The following SUGCT variants were observed in gnomAD, a reference collection of about 807,000 sequenced individuals.
SUGCT encodes the protein succinyl-CoA:glutarate-CoA transferase.
A neutral mutation model predicts 55.0 loss-of-function variants in SUGCT; 41 were observed. The ratio of observed to expected loss-of-function variants is 0.74; its 90% CI spans 0.58 to 0.97. SUGCT has a LOEUF of 0.97. Ranked by LOEUF, SUGCT falls within the 50% of genes least tolerant of loss-of-function variation. The pLI is 0.00. For synonymous variants in SUGCT, 187 were observed against 200.4 expected (o/e 0.93, Z 0.56); for missense variants, 568 against 547.8 (o/e 1.04, Z -0.37).
the SUGCT span, among the ~76,000 whole-genome samples, chr7:40,907,575 A>G: frequency 1.3e-5 from 2 of 152,188 alleles, no homozygotes; most frequent in Admixed American, 6.5e-5. Flanking sequence ...CCTATGAAGT[A>G]GGTGTTATTA....
intron 13 of SUGCT, among the ~76,000 whole-genome samples, chr7:40,782,924 C>T (rs1333962552): frequency 6.6e-6 from 1 of 152,144 alleles, no homozygotes; most frequent in Non-Finnish European, 1.5e-5. Context: ...TTGCCTTTTG[C>T]TGAGTTACTA....
chr7:40,633,487 A>G (rs1396420611), intron 12 of SUGCT, among the ~76,000 whole-genome samples: 1 of 152,246 alleles, frequency 6.6e-6, no homozygotes, highest in Non-Finnish European at 1.5e-5. Flanking sequence ...GTAGACAAGT[A>G]TTTATATGAA....
chr7:40,192,107 C>CAAAAA (rs34662909), intron 5 of SUGCT, among the ~76,000 whole-genome samples: 1 of 61,342 alleles, frequency 1.6e-5, no homozygotes, highest in Admixed American at 2.0e-4. Flanking sequence ...GATTCCATCT[C>CAAAAA]AAAAAAAAAA....
intron 12 of SUGCT, among the ~76,000 whole-genome samples, chr7:40,507,331 G>A (rs1792664724): frequency 6.6e-6 from 1 of 152,078 alleles, no homozygotes; most frequent in Non-Finnish European, 1.5e-5. Flanking sequence ...CTGCCACCTT[G>A]GGGTAGGAGA....
chr7:40,229,455 G>A lies in SUGCT; in HGVS notation c.485-8180G>A, dbSNP rs527756225. ...AATGGCTTCAACCCAGCAGGTGGAG[G>A]TTGCAGTGAGCCGAGATTGCTTCAC... On this transcript the variant is annotated intron_variant, in intron 6 of 13. Transcript: ENST00000335693. Among the ~76,000 whole-genome samples, 244 of 151,440 alleles carry A rather than the reference G, an allele frequency of 1.6e-3. 2 individuals carry two copies. The highest frequency in any genetic ancestry group is 3.4e-3 in the Middle Eastern group (1 of 290).
At chr7:40,782,424 C>A (rs566715035) in intron 13 of SUGCT, among the ~76,000 whole-genome samples, 1 of 151,980 alleles carries the variant, frequency 6.6e-6, no homozygotes, top group Non-Finnish European at 1.5e-5. Context: ...CAAGCATATG[C>A]CAGTTTATTT....
chr7:40,195,083 T>C (rs775876797), intron 6 of SUGCT, 23 bp downstream of exon 6: 42 of 1,597,778 alleles, frequency 2.6e-5, no homozygotes, highest in Non-Finnish European at 3.2e-5. Context: ...CACACCCTTG[T>C]CAGTTAAAAG....
At chr7:40,990,309 A>G in the SUGCT span, among the ~76,000 whole-genome samples, 1 of 152,252 alleles carries the variant, frequency 6.6e-6, no homozygotes, top group Admixed American at 6.5e-5. Context: ...TTGGTGCAAA[A>G]GTATTTGCAG....
At chr7:40,250,349 G>A (rs184888074) in intron 7 of SUGCT, among the ~76,000 whole-genome samples, 1 of 151,774 alleles carries the variant, frequency 6.6e-6, no homozygotes, top group Non-Finnish European at 1.5e-5. Flanking sequence ...GCAGTGAACC[G>A]AGATAGTGCT....
intron 6 of SUGCT, among the ~76,000 whole-genome samples, chr7:40,195,823 C>A (rs1343725064): frequency 1.4e-5 from 2 of 146,858 alleles, no homozygotes; most frequent in African/African-American, 5.0e-5. Context: ...AAAGGATTCT[C>A]CTGCCTCAGC....
At chr7:40,437,828 T>C (rs1396724375) in intron 9 of SUGCT, among the ~76,000 whole-genome samples, 1 of 152,162 alleles carries the variant, frequency 6.6e-6, no homozygotes, top group Non-Finnish European at 1.5e-5. Context: ...TGGTTACCTT[T>C]TGTGGAAGAA....
chr7:40,687,965 A>G (rs1252047069), intron 12 of SUGCT, among the ~76,000 whole-genome samples: 1 of 152,138 alleles, frequency 6.6e-6, no homozygotes, highest in Non-Finnish European at 1.5e-5. Context: ...GGGCCCCCCA[A>G]TATTTTTAGC....
chr7:40,448,121 G>A (rs1353523766), intron 9 of SUGCT, among the ~76,000 whole-genome samples: 1 of 151,884 alleles, frequency 6.6e-6, no homozygotes, highest in Admixed American at 6.6e-5. Flanking sequence ...GTCCATTTTT[G>A]CCACTAAAAT....
chr7:40,760,108 C>A (rs1788459515), intron 13 of SUGCT, among the ~76,000 whole-genome samples: 1 of 152,074 alleles, frequency 6.6e-6, no homozygotes. Context: ...TATTAAGCTG[C>A]CTCCTGGAAT....
chr7:40,745,335 A>AT (rs1787681926), intron 12 of SUGCT, among the ~76,000 whole-genome samples: 2 of 151,728 alleles, frequency 1.3e-5, no homozygotes, highest in East Asian at 3.9e-4. Context: ...TATTTTTTGC[A>AT]TTTTTTGTCT....
chr7:40,884,761 G>T, the SUGCT span, among the ~76,000 whole-genome samples: 12 of 152,206 alleles, frequency 7.9e-5, no homozygotes, highest in Non-Finnish European at 1.5e-4. Context: ...GTGCAATGGA[G>T]TCACAAAGTA....
intron 13 of SUGCT, among the ~76,000 whole-genome samples, chr7:40,822,898 C>A (rs972350793): frequency 6.6e-6 from 1 of 151,884 alleles, no homozygotes; most frequent in Non-Finnish European, 1.5e-5. Context: ...GTGGGAAATT[C>A]AGAGAAAGTG....
chr7:40,289,787 G>A (rs1793615640), intron 8 of SUGCT, among the ~76,000 whole-genome samples: 1 of 152,092 alleles, frequency 6.6e-6, no homozygotes, highest in South Asian at 2.1e-4. Flanking sequence ...TCCTTAAGCT[G>A]ATAAGCTACT....
the SUGCT span, among the ~76,000 whole-genome samples, chr7:40,941,890 G>C: frequency 6.6e-6 from 1 of 151,990 alleles, no homozygotes; most frequent in East Asian, 1.9e-4. Flanking sequence ...AGCTACTACT[G>C]TTCATTTTTT....
Sources: gnomAD v4.1 joint callset for allele counts (sites outside exome capture counted in the v4.1 genomes callset) on GRCh38, gnomAD v4.1.1 for gene constraint, MANE v1.5 for transcripts, NCBI Gene and HGNC (gene_info 2026-07-23, HGNC 2026-07-21) for gene names.